The following SH2D3C variants were observed in gnomAD, a reference collection of about 807,000 sequenced individuals.
The protein encoded by SH2D3C is SH2 domain containing 3C.
SH2D3C carries 25 observed loss-of-function variants against 75.2 expected under a neutral mutation model. The ratio of observed to expected loss-of-function variants is 0.33; its 90% CI spans 0.24 to 0.46. SH2D3C has a LOEUF of 0.46. Among genes scored for constraint, SH2D3C ranks in the 20% least tolerant of loss-of-function variants. SH2D3C has a pLI of 1.00. For synonymous variants in SH2D3C, 450 were observed against 473.7 expected (o/e 0.95, Z 0.65); for missense variants, 933 against 1,165.3 (o/e 0.80, Z 2.90).
rs551286390 is a variant in SH2D3C, at chr9:127,766,905, C to T, written c.516-5255G>A. The T allele has an allele frequency of 1.9e-5, 29 of 1,527,094 alleles. No individual in the cohort carries two copies. In the African/African-American group the frequency reaches 2.2e-4, roughly 12 times the overall value. The allele number at this position is 1,527,094 out of a possible 1,614,324, so 94.6% of individuals were successfully genotyped here. ...TTCACGCCCATCTTCACTCACCCAC[C>T]GCAGAGAAGCAACGGGCACCTGCCT... On this transcript the variant is annotated intron_variant, in intron 2 of 11. Transcript: ENST00000314830.
chr9:127,764,458 A>C (rs931148299), intron 2 of SH2D3C, among the ~76,000 whole-genome samples: 1 of 152,138 alleles, frequency 6.6e-6, no homozygotes, highest in Admixed American at 6.5e-5. Flanking sequence ...TGTTCAAAGG[A>C]AGGCCAGATC....
At chr9:127,761,727 G>A (rs937161682) in intron 2 of SH2D3C, 77 bp from the exon 3 acceptor site, 4 of 1,292,630 alleles carry the variant, frequency 3.1e-6, no homozygotes, top group Non-Finnish European at 4.4e-6. Context: ...CTGCCTGCCT[G>A]GGGCCAGCAC....
Position 127,774,265 on chromosome 9 carries a change from C to T in SH2D3C, c.240G>A (p.Met80Ile), listed in dbSNP as rs781769938. The stretch of plus-strand genomic sequence containing the variant: ...GTGCTTTCTTGATGCTGGGGCGAGG[C>T]ATGGTGCCCATGTGGCTGTACATGT... ...SSDMYSHMGT[M>I]PRPSIKKAQN... is the part of the protein sequence containing the mutation. The change falls in exon 2 of 12, where the codon ATG (methionine) becomes ATA (isoleucine). Residue 80 changes from methionine to isoleucine, a missense_variant. Physicochemically the swap from Met to Ile is conservative, Grantham distance 10 (BLOSUM62 1). Transcript: ENST00000314830. This position sits in a 1 kb window ranked among gnomAD's most constrained non-coding sequence, Gnocchi z 4.3. 1.2e-6 allele frequency: 2 copies of T among 1,614,076 alleles called. No individual in the cohort carries two copies. Among genetic ancestry groups the T allele is most frequent in the Admixed American group, 1.7e-5 (1 of 60,012 alleles).
chr9:127,755,614 C>T (rs899760619), intron 3 of SH2D3C, among the ~76,000 whole-genome samples: 1 of 152,154 alleles, frequency 6.6e-6, no homozygotes, highest in East Asian at 1.9e-4. Context: ...TGGAAAAATC[C>T]GTATATGTGC....
At position 127,751,817 on chromosome 9, in the gene SH2D3C, G is replaced by C. The variant is rs1170226582; in HGVS notation, c.556-517C>G. Among the ~76,000 whole-genome samples, 1 of 152,216 alleles carries C rather than the reference G, an allele frequency of 6.6e-6. No homozygotes were observed. The highest frequency in any genetic ancestry group is 1.5e-5 in the Non-Finnish European group (1 of 68,036). On this transcript the variant is annotated intron_variant, in intron 3 of 11. Transcript: ENST00000314830. This position sits in a 1 kb window ranked among gnomAD's most constrained non-coding sequence, Gnocchi z 4.1. ...TCTACAGGTGAATCTTGGAGGTAAG[G>C]CAGCAGGTAACTGCAGGAAAAGCTA...
At chr9:127,769,479 C>A (rs377099951) in intron 2 of SH2D3C, among the ~76,000 whole-genome samples, 1 of 151,194 alleles carries the variant, frequency 6.6e-6, no homozygotes. Context: ...TACGGCTCTA[C>A]TAAAAACACA....
chr9:127,771,545 A>C, intron 2 of SH2D3C: 1 of 358,938 alleles, frequency 2.8e-6, no homozygotes, highest in Non-Finnish European at 4.9e-6. Flanking sequence ...CCCGGCTCCA[A>C]CGCTCGCTTC....
At chr9:127,757,358 C>T (rs1845411168) in intron 3 of SH2D3C, among the ~76,000 whole-genome samples, 1 of 150,206 alleles carries the variant, frequency 6.7e-6, no homozygotes, top group African/African-American at 2.5e-5. Context: ...GCAGCATTGA[C>T]CTCCTGGGCT....
intron 7 of SH2D3C, 99 bp downstream of exon 7, chr9:127,744,465 C>T (rs532674838): frequency 3.7e-5 from 53 of 1,427,132 alleles, no homozygotes; most frequent in Admixed American, 8.4e-5. Context: ...GAATCCAGGC[C>T]CACCTGCTGT....
At chr9:127,762,045 T>G (rs1367596543) in intron 2 of SH2D3C, 1 of 121,488 alleles carries the variant, frequency 8.2e-6, no homozygotes, top group Non-Finnish European at 1.6e-5. Flanking sequence ...CCCTACCCCC[T>G]CCTCCCACCC....
intron 3 of SH2D3C, among the ~76,000 whole-genome samples, chr9:127,761,116 C>T (rs901944204): frequency 1.3e-5 from 2 of 152,334 alleles, no homozygotes; most frequent in Non-Finnish European, 2.9e-5. Flanking sequence ...GCTGGGATTA[C>T]AAGCATGAGC....
chr9:127,761,906 G>A (rs559509320), intron 2 of SH2D3C, among the ~76,000 whole-genome samples: 131 of 152,272 alleles, frequency 8.6e-4, no homozygotes, highest in African/African-American at 3.0e-3. Flanking sequence ...CTGCCTAATG[G>A]CATTGACTCA....
At chr9:127,756,277 G>A (rs761704248) in intron 3 of SH2D3C, among the ~76,000 whole-genome samples, 1 of 152,214 alleles carries the variant, frequency 6.6e-6, no homozygotes, top group Admixed American at 6.6e-5. Flanking sequence ...ACTCCAGCCC[G>A]GGTGATGGAG....
intron 4 of SH2D3C, among the ~76,000 whole-genome samples, chr9:127,750,241 G>A (rs887131855): frequency 2.6e-5 from 4 of 151,646 alleles, no homozygotes; most frequent in African/African-American, 7.3e-5. Context: ...TGCAACCTCC[G>A]CCTCCTTGGT....
chr9:127,756,221 G>A (rs991736406), intron 3 of SH2D3C, among the ~76,000 whole-genome samples: 2 of 152,238 alleles, frequency 1.3e-5, no homozygotes, highest in African/African-American at 4.8e-5. Context: ...AGAATCGCTT[G>A]AACCCAGGAG....
At chr9:127,756,159 G>A (rs563613923) in intron 3 of SH2D3C, among the ~76,000 whole-genome samples, 10 of 152,252 alleles carry the variant, frequency 6.6e-5, no homozygotes, top group Admixed American at 5.2e-4. Context: ...AAAATTAGCC[G>A]GGTGTGGTGG....
rs1845190571 is a variant in SH2D3C, at chr9:127,751,142, G to A, written c.684+30C>T. On this transcript the variant is annotated intron_variant, in intron 4 of 11. Transcript: ENST00000314830. The surrounding 1 kb of genome is among the most constrained non-coding windows in gnomAD (Gnocchi z 4.1). The stretch of plus-strand genomic sequence containing the variant: ...CCAAGGCAGTGGGTGGGAGGGTCCC[G>A]GGTTGAAGTCCAGCTCGGGGCCTAC... 9 of 1,611,096 alleles carry A rather than the reference G, an allele frequency of 5.6e-6. No individual in the cohort carries two copies. The highest frequency in any genetic ancestry group is 2.7e-5 in the African/African-American group (2 of 74,824).
chr9:127,778,329 A>G (rs1182424163), intron 1 of SH2D3C, among the ~76,000 whole-genome samples: 2 of 151,748 alleles, frequency 1.3e-5, no homozygotes, highest in African/African-American at 2.4e-5. Context: ...CTGGAGTCCT[A>G]GCTACTTGCC....
At chr9:127,762,632 A>G (rs1260865322) in intron 2 of SH2D3C, among the ~76,000 whole-genome samples, 1 of 152,002 alleles carries the variant, frequency 6.6e-6, no homozygotes, top group Admixed American at 6.6e-5. Flanking sequence ...CCGCATGTCC[A>G]CCCCGTCCCC....
Sources: allele counts gnomAD v4.1 joint callset (sites outside exome capture counted in the v4.1 genomes callset), GRCh38; gene constraint gnomAD v4.1.1; non-coding constraint Gnocchi (gnomAD v3.1); transcripts MANE v1.5; gene names NCBI Gene and HGNC (gene_info 2026-07-23, HGNC 2026-07-21).